Variants in F13B observed in about 807,000 individuals in gnomAD.
F13B encodes TGase.
In F13B, 58 loss-of-function variants were observed where a neutral mutation model predicts 79.8. The ratio of observed to expected loss-of-function variants is 0.73; its 90% CI spans 0.59 to 0.90. F13B has a LOEUF of 0.90. F13B is among the 40% of genes least tolerant of loss of function. The pLI is 0.00. For synonymous variants in F13B, 283 were observed against 260.3 expected (o/e 1.09, Z -0.84); for missense variants, 773 against 777.0 (o/e 0.99, Z 0.06).
chr1:197,045,455 A>T (rs541671961), intron 10 of F13B, among the ~76,000 whole-genome samples: 4 of 152,278 alleles, frequency 2.6e-5, no homozygotes, highest in African/African-American at 9.6e-5. Context: ...CCAAGACTAA[A>T]CCAGAAAGAA....
intron 10 of F13B, among the ~76,000 whole-genome samples, chr1:197,047,174 C>G (rs1449401449): frequency 6.6e-6 from 1 of 152,080 alleles, no homozygotes; most frequent in African/African-American, 2.4e-5. Context: ...TTTAATTGAA[C>G]TAAAGAGCTT....
At chr1:197,056,781 CA>C (rs899966808) in intron 7 of F13B, among the ~76,000 whole-genome samples, 1 of 151,888 alleles carries the variant, frequency 6.6e-6, no homozygotes, top group Admixed American at 6.6e-5. Context: ...CACTAGCGTT[CA>C]AAAAAAACTT....
chr1:197,052,001 T>C (rs995169785), intron 9 of F13B, among the ~76,000 whole-genome samples: 3 of 152,192 alleles, frequency 2.0e-5, no homozygotes, highest in Non-Finnish European at 4.4e-5. Context: ...ATAGTTTCTT[T>C]TGCTGTGCAG....
intron 10 of F13B, among the ~76,000 whole-genome samples, chr1:197,042,866 G>A (rs1655094064): frequency 6.6e-6 from 1 of 150,510 alleles, no homozygotes; most frequent in African/African-American, 2.4e-5. Flanking sequence ...TGAGGTGTTT[G>A]TTGACTCTAA....
At chr1:197,040,431 G>T in intron 11 of F13B, 91 bp downstream of exon 11, 1 of 848,212 alleles carries the variant, frequency 1.2e-6, no homozygotes, top group Non-Finnish European at 2.0e-6. Flanking sequence ...TTGCCATAAA[G>T]TATGAGTGGT....
At chr1:197,051,393 T>A (rs960068527) in intron 9 of F13B, among the ~76,000 whole-genome samples, 20 of 152,164 alleles carry the variant, frequency 1.3e-4, no homozygotes, top group African/African-American at 4.6e-4. Flanking sequence ...TATATGGGAT[T>A]TTTCTAGAAG....
Position 197,055,865 on chromosome 1 carries a change from C to A in F13B, c.1204G>T (p.Val402Leu), listed in dbSNP as rs1297637419. Residue 402 changes from valine to leucine, a missense_variant, in exon 8 of 12, where the codon GTA becomes TTA. Transcript: ENST00000367412. ...NNENCKHPPV[V>L]MNGAVADGIL... ...CCGTCTGCAACAGCCCCATTCATTACAACAGGAGGATGCTTACAATTCTCA... is the reference window on the plus strand; with the variant it reads ...CCGTCTGCAACAGCCCCATTCATTAAAACAGGAGGATGCTTACAATTCTCA... 1 of 1,613,322 alleles carries A rather than the reference C, an allele frequency of 6.2e-7. No homozygotes were observed. The highest frequency in any genetic ancestry group is 8.5e-7 in the Non-Finnish European group (1 of 1,179,686).
chr1:197,052,733 A>C lies in F13B; in HGVS notation c.1456T>G (p.Cys486Gly). The C allele has an allele frequency of 1.9e-6, 3 of 1,611,782 alleles. No individual in the cohort carries two copies. The highest frequency in any genetic ancestry group is 2.5e-6 in the Non-Finnish European group (3 of 1,178,646). Residue 486 changes from cysteine (C) to glycine (G), a missense_variant, in exon 9 of 12, where the codon TGT becomes GGT. By Grantham distance (159) the Cys-to-Gly change is radical (BLOSUM62 -3). Transcript: ENST00000367412. ...GGAGATAAGTCATATCCCTGTTTAC[A>C]TACAAAATCTATTAAATCTCCATGT... ...VLHGDLIDFV[C>G]KQGYDLSPLT...
intron 7 of F13B, 63 bp downstream of exon 7, chr1:197,056,950 G>C (rs1229196902): frequency 5.1e-6 from 8 of 1,559,064 alleles, no homozygotes; most frequent in Non-Finnish European, 7.0e-6. Flanking sequence ...TCAGATTAAA[G>C]TAACAGAATG....
intron 1 of F13B, 92 bp from the exon 2 acceptor site, chr1:197,063,149 G>A: frequency 9.1e-7 from 1 of 1,101,582 alleles, no homozygotes; most frequent in Admixed American, 1.8e-5. Context: ...AAAGTTTTTA[G>A]AGACACTTCA....
intron 11 of F13B, 26 bp downstream of exon 11, chr1:197,040,496 C>G (rs1427236544): frequency 6.5e-7 from 1 of 1,542,504 alleles, no homozygotes; most frequent in Non-Finnish European, 8.9e-7. Flanking sequence ...AAAAAATAAT[C>G]TGACCAAAAA....
intron 7 of F13B, among the ~76,000 whole-genome samples, chr1:197,056,337 TTATC>T (rs777051200): frequency 9.2e-5 from 14 of 152,174 alleles, no homozygotes; most frequent in Non-Finnish European, 1.6e-4. Context: ...TTCTCTCACT[TTATC>T]TATTTCTTTA....
At chr1:197,054,977 C>G (rs1163970669) in intron 8 of F13B, among the ~76,000 whole-genome samples, 3 of 151,956 alleles carry the variant, frequency 2.0e-5, no homozygotes, top group Non-Finnish European at 4.4e-5. Context: ...ATGTTGAACA[C>G]TAAACATCCA....
Position 197,039,260 on chromosome 1 carries a change from G to C in F13B, c.*118C>G. 2 of 811,820 alleles carry C rather than the reference G, an allele frequency of 2.5e-6. No individual in the cohort carries two copies. The highest frequency in any genetic ancestry group is 4.1e-6 in the Non-Finnish European group (2 of 484,792). 50.3% of individuals were successfully genotyped at this position (811,820 alleles called of 1,614,324 possible). On this transcript the variant is annotated 3_prime_UTR_variant, in exon 12 of 12. Coordinates refer to ENST00000367412, the MANE Select transcript of F13B (RefSeq NM_001994.3). ...CGAAATGTTCAGCACAAATAATTTA[G>C]ATTCAAATATTTAAGCAAGGAAAAA... is the stretch of plus-strand genomic sequence containing the variant.
At chr1:197,042,075 A>G (rs1655055878) in intron 10 of F13B, among the ~76,000 whole-genome samples, 1 of 152,184 alleles carries the variant, frequency 6.6e-6, no homozygotes, top group African/African-American at 2.4e-5. Context: ...GAAATTTTCA[A>G]TTTAACGTTT....
At chr1:197,042,030 G>C (rs1361220009) in intron 10 of F13B, among the ~76,000 whole-genome samples, 1 of 152,106 alleles carries the variant, frequency 6.6e-6, no homozygotes, top group Non-Finnish European at 1.5e-5. Context: ...ATACTACTAA[G>C]TGCATAATTT....
At position 197,067,176 on chromosome 1, in the gene F13B, T is replaced by C; in HGVS notation, c.48A>G (p.Gly16=). The C allele has an allele frequency of 1.9e-6, 3 of 1,599,934 alleles. No homozygotes were observed. Among genetic ancestry groups the C allele is most frequent in the Non-Finnish European group, 2.6e-6 (3 of 1,168,058 alleles). Residue 16 remains glycine, a synonymous_variant, in exon 1 of 12, where the codon GGA becomes GGG. Coordinates refer to ENST00000367412, the MANE Select transcript of F13B (RefSeq NM_001994.3). Reference sequence around the variant, plus strand: ...TAATTTTACCTTCTGCATAGAGTTCTCCTGAGATTATCAATATGATGATAA... The same window carrying C: ...TAATTTTACCTTCTGCATAGAGTTCCCCTGAGATTATCAATATGATGATAA... ...LTFIIILIIS[G]ELYAEEKPCG...
intron 7 of F13B, 133 bp downstream of exon 7, chr1:197,056,880 G>A: frequency 1.3e-6 from 1 of 793,864 alleles, no homozygotes; most frequent in Non-Finnish European, 2.1e-6. Flanking sequence ...AAGCAGAAGA[G>A]TAGGTGCTGT....
chr1:197,050,679 A>G lies in F13B; in HGVS notation c.1738+18T>C. ...TATATAGTTTTACTTTGTTAGAGGC[A>G]TATTTAGTAGTACATACCTAAACAC... On this transcript the variant is annotated intron_variant, in intron 10 of 11. Transcript: ENST00000367412. The G allele has an allele frequency of 6.2e-7, 1 of 1,608,734 alleles. No individual in the cohort carries two copies. Among genetic ancestry groups the G allele is most frequent in the Non-Finnish European group, 8.5e-7 (1 of 1,175,714 alleles).
Sources: gnomAD v4.1 joint callset for allele counts (sites outside exome capture counted in the v4.1 genomes callset) on GRCh38, gnomAD v4.1.1 for gene constraint, MANE v1.5 for transcripts, NCBI Gene and HGNC (gene_info 2026-07-23, HGNC 2026-07-21) for gene names.